WDR72: variants seen among roughly 807,000 people sequenced by gnomAD.
WDR72 encodes the protein WD repeat domain 72.
Under a neutral mutation model 124.2 loss-of-function variants are expected in WDR72, and 120 were observed. That is an observed-to-expected ratio of 0.97 (90% CI 0.83 to 1.12). The LOEUF is 1.12. Ranked by LOEUF, WDR72 falls within the 50% of genes most tolerant of loss-of-function variation. WDR72 has a pLI of 0.00. For synonymous variants in WDR72, 452 were observed against 441.7 expected (o/e 1.02, Z -0.29); for missense variants, 1,387 against 1,278.8 (o/e 1.08, Z -1.29).
At chr15:53,614,741 G>C (rs1180243625) in intron 15 of WDR72, among the ~76,000 whole-genome samples, 1 of 151,910 alleles carries the variant, frequency 6.6e-6, no homozygotes, top group Non-Finnish European at 1.5e-5. Flanking sequence ...AAGCTTTTAA[G>C]AATTTGACAA....
At chr15:53,529,188 A>C (rs997547175) in intron 18 of WDR72, among the ~76,000 whole-genome samples, 2 of 133,692 alleles carry the variant, frequency 1.5e-5, no homozygotes, top group Admixed American at 7.2e-5. Flanking sequence ...TTTTAAAAGA[A>C]TATAAAAAAT....
At chr15:53,732,365 G>C (rs1293280446) in intron 2 of WDR72, among the ~76,000 whole-genome samples, 1 of 152,182 alleles carries the variant, frequency 6.6e-6, no homozygotes, top group Admixed American at 6.5e-5. Flanking sequence ...TGGGTCTAGA[G>C]ACTGCTAGAG....
intron 18 of WDR72, among the ~76,000 whole-genome samples, chr15:53,578,416 G>A (rs908197455): frequency 3.3e-5 from 5 of 152,126 alleles, no homozygotes; most frequent in African/African-American, 1.2e-4. Context: ...CTCCACGGCT[G>A]CCCTTCTCAT....
At chr15:53,552,953 T>G (rs1413126833) in intron 18 of WDR72, among the ~76,000 whole-genome samples, 2 of 151,952 alleles carry the variant, frequency 1.3e-5, no homozygotes, top group African/African-American at 4.8e-5. Flanking sequence ...CAAAGGTGGG[T>G]TGAAAGGTTC....
chr15:53,607,948 A>T (rs2013359302), intron 17 of WDR72, among the ~76,000 whole-genome samples: 1 of 152,158 alleles, frequency 6.6e-6, no homozygotes, highest in African/African-American at 2.4e-5. Flanking sequence ...AAATCAAAGC[A>T]ACAATGCAAT....
intron 18 of WDR72, among the ~76,000 whole-genome samples, chr15:53,571,931 C>G (rs992570618): frequency 2.6e-5 from 4 of 152,148 alleles, no homozygotes; most frequent in Admixed American, 6.5e-5. Flanking sequence ...AGAATGATAT[C>G]TCATTGTAGT....
Position 53,702,236 on chromosome 15 carries a change from T to C in WDR72, c.1467A>G (p.Ser489=), listed in dbSNP as rs1177691651. The change falls in exon 12 of 20, where the codon TCA becomes TCG. Residue 489 remains serine, a synonymous_variant. Coordinates refer to ENST00000360509, the MANE Select transcript of WDR72 (RefSeq NM_182758.4). ...QSWMLSGDLD[S]CVILWDIFTE... is the part of the protein sequence containing the mutation. The stretch of plus-strand genomic sequence containing the variant: ...TAAAGATATCCCACAAGATCACACA[T>C]GAGTCCAGGTCCCCAGACAACATCC... The C allele has an allele frequency of 5.0e-6, 8 of 1,614,066 alleles. No individual in the cohort carries two copies. The highest frequency in any genetic ancestry group is 1.1e-5 in the South Asian group (1 of 91,078).
At chr15:53,538,870 T>C (rs557270254) in intron 18 of WDR72, among the ~76,000 whole-genome samples, 1 of 152,262 alleles carries the variant, frequency 6.6e-6, no homozygotes, top group South Asian at 2.1e-4. Context: ...CTGGTCTCAG[T>C]AAGTACATTT....
At chr15:53,665,527 C>T (rs543172804) in intron 14 of WDR72, 45 bp downstream of exon 14, 25 of 1,605,754 alleles carry the variant, frequency 1.6e-5, no homozygotes, top group South Asian at 1.4e-4. Context: ...ACTTCTTATT[C>T]GGTTGATAAT....
intron 18 of WDR72, among the ~76,000 whole-genome samples, chr15:53,569,405 G>C (rs1256869261): frequency 6.6e-6 from 1 of 151,994 alleles, no homozygotes; most frequent in African/African-American, 2.4e-5. Flanking sequence ...GACTGTGGGA[G>C]AAAAATGCAT....
At chr15:53,671,342 C>T (rs1595836058) in intron 13 of WDR72, among the ~76,000 whole-genome samples, 1 of 152,200 alleles carries the variant, frequency 6.6e-6, no homozygotes, top group East Asian at 1.9e-4. Flanking sequence ...CTCAGAGAAG[C>T]CTTCTAAAAT....
intron 15 of WDR72, among the ~76,000 whole-genome samples, chr15:53,615,189 T>C (rs1426789827): frequency 1.3e-5 from 2 of 152,032 alleles, no homozygotes; most frequent in Non-Finnish European, 2.9e-5. Flanking sequence ...TATGAGAACA[T>C]TGAATATTTG....
At chr15:53,621,712 G>A (rs1488648945) in intron 14 of WDR72, among the ~76,000 whole-genome samples, 1 of 151,886 alleles carries the variant, frequency 6.6e-6, no homozygotes, top group Non-Finnish European at 1.5e-5. Flanking sequence ...GGTGATGGGT[G>A]CAACAGAATC....
chr15:53,741,890 G>A (rs1162238492), intron 1 of WDR72, among the ~76,000 whole-genome samples: 2 of 152,108 alleles, frequency 1.3e-5, no homozygotes, highest in Non-Finnish European at 2.9e-5. Flanking sequence ...ACCACACCTA[G>A]CTAACTTTTG....
intron 18 of WDR72, among the ~76,000 whole-genome samples, chr15:53,557,663 G>A (rs1004959750): frequency 4.6e-5 from 7 of 151,872 alleles, no homozygotes; most frequent in African/African-American, 1.7e-4. Context: ...CAGCCCGTGA[G>A]CCTGGAAAAG....
At chr15:53,676,036 G>C (rs1294401855) in intron 13 of WDR72, among the ~76,000 whole-genome samples, 1 of 151,974 alleles carries the variant, frequency 6.6e-6, no homozygotes, top group Non-Finnish European at 1.5e-5. Context: ...CAAGGCTCAG[G>C]GTACCCTCAC....
chr15:53,627,766 C>T (rs1268577050), intron 14 of WDR72, among the ~76,000 whole-genome samples: 2 of 152,062 alleles, frequency 1.3e-5, no homozygotes, highest in Non-Finnish European at 2.9e-5. Flanking sequence ...ACACACAAAA[C>T]TCACTTGATT....
At chr15:53,543,290 C>T (rs28783802) in intron 18 of WDR72, among the ~76,000 whole-genome samples, 46,751 of 150,246 alleles carry the variant, frequency 0.31, 7,716 homozygotes, top group Admixed American at 0.4. Context: ...TTATAACAAA[C>T]TATCTCTCAG....
chr15:53,571,119 A>C (rs758396161), intron 18 of WDR72, among the ~76,000 whole-genome samples: 3 of 152,104 alleles, frequency 2.0e-5, no homozygotes, highest in Non-Finnish European at 4.4e-5. Context: ...AAATGGAAAC[A>C]ATAGACACTG....
Sources: gnomAD v4.1 joint callset for allele counts (sites outside exome capture counted in the v4.1 genomes callset) on GRCh38, gnomAD v4.1.1 for gene constraint, MANE v1.5 for transcripts, NCBI Gene and HGNC (gene_info 2026-07-23, HGNC 2026-07-21) for gene names.